Variants in SAMD5 observed in about 807,000 individuals in gnomAD.
SAMD5 encodes the protein sterile alpha motif domain containing 5.
A neutral mutation model predicts 11.3 loss-of-function variants in SAMD5; 13 were observed. The ratio of observed to expected loss-of-function variants is 1.15; its 90% CI spans 0.75 to 1.83. The LOEUF (loss-of-function observed/expected upper bound fraction) is 1.83. Ranked by LOEUF, SAMD5 falls within the 40% of genes most tolerant of loss-of-function variation. The pLI is 0.00. For synonymous variants in SAMD5, 129 were observed against 111.3 expected (o/e 1.16, Z -1.00); for missense variants, 255 against 239.1 (o/e 1.07, Z -0.44).
At chr6:147,858,464 C>T in the SAMD5 span, among the ~76,000 whole-genome samples, 1 of 152,178 alleles carries the variant, frequency 6.6e-6, no homozygotes. Context: ...CTGGAGGCAC[C>T]TGATCCTCCC....
intron 1 of SAMD5, among the ~76,000 whole-genome samples, chr6:147,700,975 G>A (rs142598116): frequency 2.5e-3 from 385 of 152,296 alleles, no homozygotes; most frequent in Non-Finnish European, 3.9e-3. Context: ...AATGTGCCTG[G>A]TTATAATTGC....
chr6:147,865,173 G>A, the SAMD5 span, among the ~76,000 whole-genome samples: 1 of 152,218 alleles, frequency 6.6e-6, no homozygotes, highest in East Asian at 1.9e-4. Context: ...TCAGTGGCAG[G>A]TATGTCAAGA....
the SAMD5 span, among the ~76,000 whole-genome samples, chr6:147,918,740 C>T: frequency 7.1e-6 from 1 of 140,306 alleles, no homozygotes; most frequent in Admixed American, 7.6e-5. Flanking sequence ...CTCTGTTGCC[C>T]AGGCTGAAAT....
chr6:147,890,876 G>A, the SAMD5 span, among the ~76,000 whole-genome samples: 17 of 152,104 alleles, frequency 1.1e-4, 1 homozygote, highest in African/African-American at 4.1e-4. Context: ...TTCAAAGAAG[G>A]TATTCACTGA....
intron 1 of SAMD5, among the ~76,000 whole-genome samples, chr6:147,716,186 C>T (rs1215885923): frequency 3.3e-5 from 5 of 152,200 alleles, no homozygotes; most frequent in South Asian, 2.1e-4. Flanking sequence ...AGCACCACCT[C>T]GGCCTCCTTC....
the SAMD5 span, among the ~76,000 whole-genome samples, chr6:147,930,473 G>C: frequency 1.3e-5 from 2 of 152,076 alleles, no homozygotes; most frequent in African/African-American, 2.4e-5. Flanking sequence ...CCTGACACAC[G>C]TTTCTATAAT....
chr6:147,841,679 G>A, the SAMD5 span, among the ~76,000 whole-genome samples: 1 of 152,124 alleles, frequency 6.6e-6, no homozygotes, highest in Admixed American at 6.6e-5. Flanking sequence ...CTTTCTCTTT[G>A]TTGGAAAATC....
the SAMD5 span, among the ~76,000 whole-genome samples, chr6:147,871,950 A>C: frequency 6.6e-5 from 10 of 152,332 alleles, no homozygotes; most frequent in African/African-American, 2.2e-4. Context: ...ATTCAGAAAA[A>C]TAATATATAT....
At chr6:147,838,534 C>CA in the SAMD5 span, among the ~76,000 whole-genome samples, 5 of 140,962 alleles carry the variant, frequency 3.5e-5, no homozygotes, top group African/African-American at 8.0e-5. Context: ...ATATCCTGCC[C>CA]CCCCCCCGTA....
At chr6:147,829,916 TG>T in the SAMD5 span, among the ~76,000 whole-genome samples, 7 of 152,174 alleles carry the variant, frequency 4.6e-5, no homozygotes, top group African/African-American at 1.4e-4. Context: ...TGCCAGATAA[TG>T]GGGGTCCTGG....
chr6:147,870,431 GGTGTGTGTGTGTGTGTGAGT>G, the SAMD5 span, among the ~76,000 whole-genome samples: 1,305 of 138,340 alleles, frequency 9.4e-3, 10 homozygotes, highest in South Asian at 0.015. Flanking sequence ...CATCCCCTTT[GGTGTGTGTGTGTGTGTGAGT>G]GTGTGTGTGT....
At chr6:147,953,734 G>A in the SAMD5 span, 31 of 152,134 alleles carry the variant, frequency 2.0e-4, no homozygotes, top group African/African-American at 7.0e-4. Flanking sequence ...TATGTGTAAT[G>A]TGTAAAAGTT....
chr6:147,657,060 C>G (rs1203761295), intron 1 of SAMD5, among the ~76,000 whole-genome samples: 1 of 151,962 alleles, frequency 6.6e-6, no homozygotes, highest in Non-Finnish European at 1.5e-5. Flanking sequence ...GTGTATTAGG[C>G]AGCTGTAAAA....
At chr6:147,756,258 T>G in the SAMD5 span, among the ~76,000 whole-genome samples, 1 of 152,276 alleles carries the variant, frequency 6.6e-6, no homozygotes, top group African/African-American at 2.4e-5. Context: ...AAAACTGATT[T>G]GGGCTATTAA....
chr6:147,951,202 T>C, the SAMD5 span, among the ~76,000 whole-genome samples: 1 of 150,896 alleles, frequency 6.6e-6, no homozygotes, highest in African/African-American at 2.4e-5. Context: ...TTTTTTTTTA[T>C]GACGGAGTCT....
the SAMD5 span, among the ~76,000 whole-genome samples, chr6:147,864,738 C>T: frequency 6.6e-6 from 1 of 152,142 alleles, no homozygotes; most frequent in African/African-American, 2.4e-5. Flanking sequence ...ATAAAACAAG[C>T]TCAAAGGGTC....
intron 1 of SAMD5, among the ~76,000 whole-genome samples, chr6:147,576,332 G>C (rs949908710): frequency 6.6e-6 from 1 of 152,006 alleles, no homozygotes; most frequent in Non-Finnish European, 1.5e-5. Flanking sequence ...GTAGAGACGG[G>C]GTTTAGCCAT....
chr6:147,541,867 C>T (rs1238515160), intron 1 of SAMD5, among the ~76,000 whole-genome samples: 2 of 152,096 alleles, frequency 1.3e-5, no homozygotes, highest in South Asian at 2.1e-4. Context: ...AAGAGCCAAC[C>T]AAGATCCCCC....
At chr6:147,534,132 A>T (rs1456574201) in intron 1 of SAMD5, among the ~76,000 whole-genome samples, 2 of 152,164 alleles carry the variant, frequency 1.3e-5, no homozygotes, top group East Asian at 3.9e-4. Flanking sequence ...GAAGGACTGC[A>T]AGAGGAATGT....
Sources: gnomAD v4.1 joint callset for allele counts (sites outside exome capture counted in the v4.1 genomes callset) on GRCh38, gnomAD v4.1.1 for gene constraint, MANE v1.5 for transcripts, NCBI Gene and HGNC (gene_info 2026-07-23, HGNC 2026-07-21) for gene names.